ACCSL: variants seen among roughly 807,000 people sequenced by gnomAD.
The protein encoded by ACCSL is probable inactive 1-aminocyclopropane-1-carboxylate synthase-like protein 2.
ACCSL carries 55 observed loss-of-function variants against 61.7 expected under a neutral mutation model. The observed-to-expected ratio is 0.89, with a 90% CI of 0.72 to 1.12. The LOEUF (loss-of-function observed/expected upper bound fraction) is 1.12. Ranked by LOEUF, ACCSL falls within the 50% of genes most tolerant of loss-of-function variation. ACCSL has a pLI of 0.00. For missense variants in ACCSL, 632 were observed against 698.0 expected (o/e 0.91, Z 1.07); for synonymous variants, 258 against 264.3 (o/e 0.98, Z 0.23).
chr11:44,012,396 C>G, the ACCSL span, among the ~76,000 whole-genome samples: 3 of 152,196 alleles, frequency 2.0e-5, no homozygotes, highest in African/African-American at 7.2e-5. Flanking sequence ...AAGCAATTCT[C>G]CTGCCTCAGC....
At chr11:44,048,613 C>T (rs968538350) in intron 1 of ACCSL, 73 bp downstream of exon 1, 55 of 1,427,238 alleles carry the variant, frequency 3.9e-5, no homozygotes, top group Non-Finnish European at 5.1e-5. Flanking sequence ...AGTCCTGGGC[C>T]AAGTGCTATA....
chr11:43,994,784 C>G, the ACCSL span, among the ~76,000 whole-genome samples: 54 of 152,082 alleles, frequency 3.6e-4, 1 homozygote, highest in African/African-American at 1.3e-3. Context: ...AATGCGCGTG[C>G]CACCATGCCT....
At chr11:43,996,788 TC>T in the ACCSL span, among the ~76,000 whole-genome samples, 1 of 149,778 alleles carries the variant, frequency 6.7e-6, no homozygotes, top group Non-Finnish European at 1.5e-5. Context: ...AGACTCATGT[TC>T]CTCAAGGTTC....
chr11:44,005,752 T>A, the ACCSL span, among the ~76,000 whole-genome samples: 1 of 152,096 alleles, frequency 6.6e-6, no homozygotes, highest in African/African-American at 2.4e-5. Flanking sequence ...GTGCAGGTAA[T>A]TACACTATCA....
At chr11:44,005,932 C>A in the ACCSL span, among the ~76,000 whole-genome samples, 2 of 152,168 alleles carry the variant, frequency 1.3e-5, no homozygotes, top group Non-Finnish European at 2.9e-5. Flanking sequence ...CAAAGATCCG[C>A]AATGCAAGGA....
chr11:43,939,378 A>C, the ACCSL span, among the ~76,000 whole-genome samples: 1 of 152,202 alleles, frequency 6.6e-6, no homozygotes, highest in Non-Finnish European at 1.5e-5. Flanking sequence ...AATTTCTATA[A>C]GGAGCTACAA....
the ACCSL span, among the ~76,000 whole-genome samples, chr11:44,017,952 A>AT: frequency 2.0e-5 from 3 of 152,008 alleles, no homozygotes; most frequent in African/African-American, 4.8e-5. Flanking sequence ...AGCAGTAATG[A>AT]TTTTTCCATA....
the ACCSL span, chr11:43,945,298 T>C: frequency 6.6e-6 from 1 of 152,302 alleles, no homozygotes; most frequent in Non-Finnish European, 1.5e-5. Flanking sequence ...ACTGGACTAG[T>C]TTGAGCTCCA....
chr11:44,019,974 C>T, the ACCSL span, among the ~76,000 whole-genome samples: 2 of 152,182 alleles, frequency 1.3e-5, no homozygotes, highest in Non-Finnish European at 2.9e-5. Context: ...ATGTGGATAT[C>T]CACTTGTCTC....
the ACCSL span, among the ~76,000 whole-genome samples, chr11:43,985,232 A>ATAATGCAG: frequency 6.6e-6 from 1 of 152,188 alleles, no homozygotes; most frequent in Non-Finnish European, 1.5e-5. Flanking sequence ...ACCATTCAAG[A>ATAATGCAG]TAATGGAAGG....
the ACCSL span, among the ~76,000 whole-genome samples, chr11:43,957,382 A>C: frequency 0.15 from 23,187 of 152,138 alleles, 1,912 homozygotes; most frequent in Middle Eastern, 0.35. Flanking sequence ...TAAAAGAGTT[A>C]AGCTTTGCCT....
the ACCSL span, among the ~76,000 whole-genome samples, chr11:44,013,834 T>A: frequency 6.6e-6 from 1 of 152,056 alleles, no homozygotes; most frequent in African/African-American, 2.4e-5. Flanking sequence ...AAAGTAGCAT[T>A]TGGGGCTGTG....
the ACCSL span, among the ~76,000 whole-genome samples, chr11:44,008,006 C>T: frequency 1.3e-5 from 2 of 152,142 alleles, no homozygotes; most frequent in African/African-American, 4.8e-5. Flanking sequence ...CAGGGTCCAT[C>T]TCTTCCAGTG....
upstream of ACCSL, among the ~76,000 whole-genome samples, chr11:44,044,099 G>T (rs1335009488): frequency 4.6e-5 from 7 of 152,118 alleles, no homozygotes; most frequent in Non-Finnish European, 1.0e-4. Context: ...CAGAGTGTTT[G>T]CTTACTTCTA....
the ACCSL span, among the ~76,000 whole-genome samples, chr11:44,021,529 G>A: frequency 6.6e-6 from 1 of 152,064 alleles, no homozygotes; most frequent in Non-Finnish European, 1.5e-5. Context: ...TTCCTTGTTG[G>A]ATGTATAGTT....
the ACCSL span, among the ~76,000 whole-genome samples, chr11:44,029,774 C>T: frequency 6.6e-6 from 1 of 151,896 alleles, no homozygotes; most frequent in Non-Finnish European, 1.5e-5. Context: ...GTGAGTTGGC[C>T]CTCCAGAGGA....
the ACCSL span, among the ~76,000 whole-genome samples, chr11:43,939,765 C>T: frequency 1.3e-5 from 2 of 152,338 alleles, no homozygotes; most frequent in South Asian, 2.1e-4. Flanking sequence ...TGCCACCACA[C>T]CTGGCTAATT....
At chr11:43,988,405 G>A in the ACCSL span, among the ~76,000 whole-genome samples, 1 of 151,998 alleles carries the variant, frequency 6.6e-6, no homozygotes, top group African/African-American at 2.4e-5. Flanking sequence ...AGCTCCCTGG[G>A]AATATTCTCC....
chr11:44,051,189 G>A, intron 3 of ACCSL, 146 bp from the exon 4 acceptor site: 1 of 790,326 alleles, frequency 1.3e-6, no homozygotes, highest in Non-Finnish European at 2.2e-6. Context: ...GTGTGACTTG[G>A]GGAGTTGATG....
Sources: allele counts gnomAD v4.1 joint callset (sites outside exome capture counted in the v4.1 genomes callset), GRCh38; gene constraint gnomAD v4.1.1; transcripts MANE v1.5; gene names NCBI Gene and HGNC (gene_info 2026-07-23, HGNC 2026-07-21).